Variants in SMIM20 observed in about 807,000 individuals in gnomAD.
SMIM20 encodes small integral membrane protein 20.
SMIM20 carries 3 observed loss-of-function variants against 8.7 expected under a neutral mutation model. The ratio of observed to expected loss-of-function variants is 0.34; its 90% CI spans 0.16 to 0.89. The LOEUF (loss-of-function observed/expected upper bound fraction) is 0.89. Ranked by LOEUF, SMIM20 falls within the 40% of genes least tolerant of loss-of-function variation. SMIM20 has a pLI of 0.49. For synonymous variants in SMIM20, 44 were observed against 33.6 expected, an observed-to-expected ratio of 1.31 and a Z score of -1.07; for missense variants, 85 against 84.8, an observed-to-expected ratio of 1.00 and a Z score of -0.01.
Position 25,914,347 on chromosome 4 carries a change from G to A in SMIM20, c.34G>A (p.Gly12Ser), listed in dbSNP as rs774013524. 2 of 1,550,588 alleles carry A rather than the reference G, an allele frequency of 1.3e-6. No individual in the cohort carries two copies. The highest frequency in any genetic ancestry group is 1.7e-6 in the Non-Finnish European group (2 of 1,146,316). ...GAACCTGCGCACCGCGCTCATTTTC[G>A]GCGGCTTCATCTCCCTGATCGGCGC... ...SRNLRTALIFGGFISLIGAAF... is the reference protein window; with the variant it reads ...SRNLRTALIFSGFISLIGAAF... The change falls in exon 1 of 3, where the codon GGC becomes AGC. Residue 12 changes from glycine (G) to serine (S), a missense_variant. Transcript: ENST00000506197.
chr4:25,918,224 G>A (rs1213988600), intron 1 of SMIM20, among the ~76,000 whole-genome samples: 1 of 151,914 alleles, frequency 6.6e-6, no homozygotes, highest in Admixed American at 6.5e-5. Flanking sequence ...TTACAGGCGT[G>A]AGCCACCGCG....
Position 25,929,265 on chromosome 4 carries a change from C to T in SMIM20, c.*74C>T. On this transcript the variant is annotated 3_prime_UTR_variant, in exon 3 of 3. Transcript: ENST00000506197. The stretch of plus-strand genomic sequence containing the variant: ...CGATTCTGCATGGGGTACAGCCAGT[C>T]ACCTCACCAGAGAATGACGGCTGGA... The T allele has an allele frequency of 2.7e-6, 4 of 1,475,152 alleles. No individual in the cohort carries two copies. Among genetic ancestry groups the T allele is most frequent in the Non-Finnish European group, 3.7e-6 (4 of 1,079,270 alleles). The allele number at this position is 1,475,152 out of a possible 1,614,324, so 91.4% of individuals were successfully genotyped here. A position where few individuals can be genotyped will look rare whatever the true frequency, so the allele number is the denominator to read the frequency against.
At chr4:25,922,050 G>A (rs1437309932) in intron 1 of SMIM20, among the ~76,000 whole-genome samples, 1 of 152,218 alleles carries the variant, frequency 6.6e-6, no homozygotes, top group African/African-American at 2.4e-5. Context: ...TCAGTGGTTT[G>A]GAAGTAGGCA....
intron 1 of SMIM20, among the ~76,000 whole-genome samples, chr4:25,925,728 G>A (rs1577362271): frequency 6.6e-6 from 1 of 152,288 alleles, no homozygotes; most frequent in African/African-American, 2.4e-5. Context: ...TGTTTGCATT[G>A]TTGTGAATGT....
chr4:25,926,626 A>T (rs1711519385), intron 1 of SMIM20, among the ~76,000 whole-genome samples: 1 of 152,368 alleles, frequency 6.6e-6, no homozygotes, highest in South Asian at 2.1e-4. Context: ...CCAATTAGGC[A>T]TTCGGTCCTT....
chr4:25,928,124 C>G (rs545669578), intron 1 of SMIM20, 189 bp from the exon 2 acceptor site: 5 of 430,216 alleles, frequency 1.2e-5, no homozygotes, highest in Non-Finnish European at 2.0e-5. Context: ...TTTGAAAATA[C>G]CCAATCTCTT....
At chr4:25,915,854 T>TGGGGGGGGGGGGGG (rs1267183562) in intron 1 of SMIM20, among the ~76,000 whole-genome samples, 1 of 18,960 alleles carries the variant, frequency 5.3e-5, no homozygotes, top group African/African-American at 2.1e-4. Flanking sequence ...CAACTTGGGA[T>TGGGGGGGGGGGGGG]GGGGCGGGGG....
At chr4:25,925,376 A>G (rs921183821) in intron 1 of SMIM20, among the ~76,000 whole-genome samples, 3 of 152,088 alleles carry the variant, frequency 2.0e-5, no homozygotes, top group Non-Finnish European at 4.4e-5. Context: ...AGCTGGGATT[A>G]TAGGCGCCCG....
chr4:25,919,757 T>G (rs1435993337), intron 1 of SMIM20, among the ~76,000 whole-genome samples: 1 of 152,240 alleles, frequency 6.6e-6, no homozygotes, highest in Non-Finnish European at 1.5e-5. Context: ...TTTTGTTCTT[T>G]TATAAAGTTT....
At chr4:25,921,370 T>TA (rs959625294) in intron 1 of SMIM20, among the ~76,000 whole-genome samples, 3 of 151,842 alleles carry the variant, frequency 2.0e-5, no homozygotes, top group Non-Finnish European at 2.9e-5. Context: ...CTGTCTCATT[T>TA]AAAAAAAAGA....
At chr4:25,922,379 G>C (rs949691799) in intron 1 of SMIM20, among the ~76,000 whole-genome samples, 4 of 152,166 alleles carry the variant, frequency 2.6e-5, no homozygotes, top group Non-Finnish European at 4.4e-5. Flanking sequence ...AGGATGGTGT[G>C]GATGCTGCCA....
intron 1 of SMIM20, among the ~76,000 whole-genome samples, chr4:25,916,127 A>C (rs1269310626): frequency 1.3e-5 from 2 of 152,188 alleles, no homozygotes; most frequent in Non-Finnish European, 2.9e-5. Context: ...GGTGATGTTC[A>C]TCTGTGGGTG....
chr4:25,914,489 C>T, intron 1 of SMIM20, 67 bp downstream of exon 1: 1 of 1,346,910 alleles, frequency 7.4e-7, no homozygotes, highest in South Asian at 1.8e-5. Flanking sequence ...TCTGTGAGCT[C>T]CACGTGGTGC....
chr4:25,928,223 A>G (rs1370761500), intron 1 of SMIM20, 90 bp from the exon 2 acceptor site: 1 of 1,291,820 alleles, frequency 7.7e-7, no homozygotes. Flanking sequence ...CTGTTTTCTA[A>G]TTGTCCCATG....
intron 1 of SMIM20, among the ~76,000 whole-genome samples, chr4:25,922,291 G>A (rs1386610453): frequency 6.6e-6 from 1 of 152,162 alleles, no homozygotes; most frequent in East Asian, 1.9e-4. Flanking sequence ...AGTGGGAGGT[G>A]ACATGAGATC....
In SMIM20 at chr4:25,929,402, T is replaced by G; in HGVS notation, c.*211T>G. The G allele has an allele frequency of 1.9e-6, 1 of 525,966 alleles. No individual in the cohort carries two copies. Among genetic ancestry groups the G allele is most frequent in the Non-Finnish European group, 3.2e-6 (1 of 308,932 alleles). The allele number at this position is 525,966 out of a possible 1,614,324, so 32.6% of individuals were successfully genotyped here. ...AAGAACTCTGGAACAAATTATACCA[T>G]TAGGAAGGTTTTCATGATTCAGTTG... On this transcript the variant is annotated 3_prime_UTR_variant, in exon 3 of 3. Transcript: ENST00000506197.
intron 1 of SMIM20, among the ~76,000 whole-genome samples, chr4:25,920,343 T>C (rs944378998): frequency 6.6e-6 from 1 of 152,184 alleles, no homozygotes; most frequent in Admixed American, 6.5e-5. Flanking sequence ...TGTGTGGGCC[T>C]AGGCTAATAT....
chr4:25,923,197 T>C (rs893446958), intron 1 of SMIM20, among the ~76,000 whole-genome samples: 2 of 152,114 alleles, frequency 1.3e-5, no homozygotes, highest in Non-Finnish European at 2.9e-5. Context: ...ACTTTTTAGC[T>C]TTCACCCTGT....
At chr4:25,915,857 G>T (rs1007204205) in intron 1 of SMIM20, among the ~76,000 whole-genome samples, 2 of 115,624 alleles carry the variant, frequency 1.7e-5, no homozygotes, top group East Asian at 5.0e-4. Context: ...CTTGGGATGG[G>T]GCGGGGGGGG....
Sources: allele counts gnomAD v4.1 joint callset (sites outside exome capture counted in the v4.1 genomes callset), GRCh38; gene constraint gnomAD v4.1.1; transcripts MANE v1.5; gene names NCBI Gene and HGNC (gene_info 2026-07-23, HGNC 2026-07-21).